EYS: variants seen among roughly 807,000 people sequenced by gnomAD.
EYS encodes the protein protein eyes shut homolog.
Under a neutral mutation model 282.1 loss-of-function variants are expected in EYS, and 250 were observed. That is an observed-to-expected ratio of 0.89 (90% CI 0.80 to 0.98). The LOEUF (loss-of-function observed/expected upper bound fraction) is 0.98. Among genes scored for constraint, EYS ranks in the 50% least tolerant of loss-of-function variants. The pLI is 0.00. For missense variants in EYS, 4,016 were observed against 3,709.0 expected, an observed-to-expected ratio of 1.08 and a Z score of -2.15; for synonymous variants, 1,355 against 1,282.9, an observed-to-expected ratio of 1.06 and a Z score of -1.20.
At chr6:64,213,590 C>T (rs968644769) in intron 31 of EYS, among the ~76,000 whole-genome samples, 3 of 152,018 alleles carry the variant, frequency 2.0e-5, no homozygotes, top group Admixed American at 6.6e-5. Context: ...AATAAACTTG[C>T]ATGAGGGTCA....
At chr6:65,143,774 T>C (rs1764408430) in intron 12 of EYS, among the ~76,000 whole-genome samples, 1 of 152,104 alleles carries the variant, frequency 6.6e-6, no homozygotes, top group Non-Finnish European at 1.5e-5. Flanking sequence ...TGCATATGTC[T>C]CTGTTACTCC....
chr6:64,037,861 TA>T (rs1008694704), intron 33 of EYS, among the ~76,000 whole-genome samples: 3 of 152,224 alleles, frequency 2.0e-5, no homozygotes, highest in Non-Finnish European at 4.4e-5. Context: ...GATATTTTAT[TA>T]GTTCAGATGA....
At chr6:64,559,336 C>G (rs904371821) in intron 26 of EYS, among the ~76,000 whole-genome samples, 1 of 149,512 alleles carries the variant, frequency 6.7e-6, no homozygotes, top group Non-Finnish European at 1.5e-5. Context: ...CTCTGTTGCC[C>G]AGGCTGGAGT....
intron 26 of EYS, among the ~76,000 whole-genome samples, chr6:64,570,221 C>G (rs1562067472): frequency 6.6e-6 from 1 of 152,148 alleles, no homozygotes; most frequent in African/African-American, 2.4e-5. Context: ...GAAATAAAAT[C>G]CTTTTCAGAC....
intron 40 of EYS, 57 bp downstream of exon 40, chr6:63,777,949 G>A: frequency 7.0e-7 from 1 of 1,426,822 alleles, no homozygotes; most frequent in South Asian, 1.2e-5. Flanking sequence ...ACAGAGTGGA[G>A]TACCAGTTAG....
chr6:64,461,365 T>C (rs554819324), intron 26 of EYS, among the ~76,000 whole-genome samples: 4 of 151,892 alleles, frequency 2.6e-5, no homozygotes, highest in African/African-American at 9.7e-5. Context: ...TGAGAGAGGA[T>C]TGATTGACTG....
chr6:63,744,915 G>C (rs908500656), intron 41 of EYS: 1 of 344,890 alleles, frequency 2.9e-6, no homozygotes, highest in African/African-American at 2.3e-5. Flanking sequence ...TTTGTTTCCA[G>C]CAGTATAGTA....
intron 35 of EYS, among the ~76,000 whole-genome samples, chr6:63,954,898 G>A (rs1030845425): frequency 4.6e-5 from 7 of 152,066 alleles, no homozygotes; most frequent in African/African-American, 1.7e-4. Flanking sequence ...TTCCATCACG[G>A]AAATCTGTCC....
At chr6:64,837,596 A>T (rs1387305401) in intron 19 of EYS, among the ~76,000 whole-genome samples, 1 of 148,036 alleles carries the variant, frequency 6.8e-6, no homozygotes, top group Non-Finnish European at 1.5e-5. Context: ...TATATGATAG[A>T]TATATGATAT....
chr6:63,979,196 C>T (rs1403953321), intron 35 of EYS, among the ~76,000 whole-genome samples: 2 of 151,922 alleles, frequency 1.3e-5, no homozygotes, highest in Non-Finnish European at 2.9e-5. Context: ...TTTATTGGAA[C>T]ACAACACAGT....
At chr6:63,836,147 T>C (rs1045100375) in intron 36 of EYS, among the ~76,000 whole-genome samples, 3 of 152,042 alleles carry the variant, frequency 2.0e-5, no homozygotes, top group Non-Finnish European at 4.4e-5. Flanking sequence ...ATTGCTAAAC[T>C]GTTTTCTAAA....
At chr6:64,607,156 C>A (rs747213794) in intron 24 of EYS, among the ~76,000 whole-genome samples, 1 of 151,754 alleles carries the variant, frequency 6.6e-6, no homozygotes, top group African/African-American at 2.4e-5. Context: ...ATAAAAAACG[C>A]AATAGATGCA....
intron 31 of EYS, among the ~76,000 whole-genome samples, chr6:64,168,029 G>T (rs146544778): frequency 6.6e-6 from 1 of 152,156 alleles, no homozygotes; most frequent in Non-Finnish European, 1.5e-5. Context: ...TTGGGAGGCC[G>T]AGGCAGGCGG....
At chr6:64,752,757 T>C (rs924492774) in intron 22 of EYS, among the ~76,000 whole-genome samples, 2 of 151,524 alleles carry the variant, frequency 1.3e-5, no homozygotes, top group African/African-American at 4.9e-5. Flanking sequence ...GCAGCAAGAG[T>C]AAAGTGTTTA....
At chr6:65,563,574 G>GT (rs201551142) in intron 2 of EYS, among the ~76,000 whole-genome samples, 117 of 150,766 alleles carry the variant, frequency 7.8e-4, no homozygotes, top group East Asian at 6.2e-3. Context: ...TAATTCTGCA[G>GT]TTTTTTTTAT....
chr6:65,240,247 C>T (rs1356503543), intron 12 of EYS, among the ~76,000 whole-genome samples: 2 of 152,122 alleles, frequency 1.3e-5, no homozygotes, highest in Non-Finnish European at 2.9e-5. Flanking sequence ...GGATTACAGA[C>T]ATGAGCCACC....
intron 22 of EYS, among the ~76,000 whole-genome samples, chr6:64,779,685 C>G (rs1320015836): frequency 2.6e-5 from 4 of 151,980 alleles, no homozygotes; most frequent in African/African-American, 9.7e-5. Context: ...TATAATGTGT[C>G]CCATGAATGC....
intron 16 of EYS, among the ~76,000 whole-genome samples, chr6:64,910,901 C>A (rs910417761): frequency 1.3e-5 from 2 of 151,920 alleles, no homozygotes; most frequent in African/African-American, 4.8e-5. Context: ...AGAAAATTAT[C>A]TCTGGTGAAA....
At chr6:65,450,694 T>C (rs892633556) in intron 5 of EYS, among the ~76,000 whole-genome samples, 1 of 152,090 alleles carries the variant, frequency 6.6e-6, no homozygotes, top group African/African-American at 2.4e-5. Flanking sequence ...ACTCAGGCAA[T>C]CCCTTAAGGG....
Sources: gnomAD v4.1 joint callset for allele counts (sites outside exome capture counted in the v4.1 genomes callset) on GRCh38, gnomAD v4.1.1 for gene constraint, MANE v1.5 for transcripts, NCBI Gene and HGNC (gene_info 2026-07-23, HGNC 2026-07-21) for gene names.